Variants in SH3TC1 observed in about 807,000 individuals in gnomAD.
SH3TC1 encodes the protein SH3 domain and tetratricopeptide repeat-containing protein 1.
SH3TC1 carries 135 observed loss-of-function variants against 117.3 expected under a neutral mutation model. That is an observed-to-expected ratio of 1.15 (90% CI 1.00 to 1.33). The LOEUF (loss-of-function observed/expected upper bound fraction) is 1.33. Ranked by LOEUF, SH3TC1 falls within the 40% of genes most tolerant of loss-of-function variation. The probability of loss-of-function intolerance (pLI) is 0.00; values close to 1 mark genes in which losing one functional copy is unlikely to be tolerated. For synonymous variants in SH3TC1, 898 were observed against 816.9 expected (o/e 1.10, Z -1.69); for missense variants, 2,092 against 1,794.3 (o/e 1.17, Z -3.00).
chr4:8,191,661 G>A (rs947039002), intron 1 of SH3TC1, among the ~76,000 whole-genome samples: 12 of 152,164 alleles, frequency 7.9e-5, no homozygotes, highest in African/African-American at 2.2e-4. Context: ...ATGCCGGCCC[G>A]GATACACCCG....
At chr4:8,214,159 A>T (rs749995470) in intron 4 of SH3TC1, among the ~76,000 whole-genome samples, 5 of 151,750 alleles carry the variant, frequency 3.3e-5, no homozygotes, top group South Asian at 2.1e-4. Context: ...AGGTCGGGAG[A>T]AGCGGCGGTC....
In SH3TC1 at chr4:8,217,051, G is replaced by A. The variant is rs544129098; in HGVS notation, c.723G>A (p.Ser241=). The A allele has an allele frequency of 1.8e-5, 29 of 1,613,068 alleles. No homozygotes were observed. The highest frequency in any genetic ancestry group is 2.7e-5 in the African/African-American group (2 of 75,056). The change falls in exon 7 of 18, where the codon TCG becomes TCA. Residue 241 remains serine, a synonymous_variant. Transcript: ENST00000245105. ...GNGPQALRQA[S]GAPQGEAAPE... ...GCCCCCAGGCCCTCAGGCAGGCTTC[G>A]GGGGCACCCCAGGGAGAGGCGGCCC... is the stretch of plus-strand genomic sequence containing the variant.
chr4:8,228,997 C>T (rs555666396), intron 12 of SH3TC1, among the ~76,000 whole-genome samples: 16 of 152,344 alleles, frequency 1.1e-4, no homozygotes, highest in African/African-American at 3.6e-4. Flanking sequence ...CTTGGGGCCC[C>T]TCCATGAGCC....
rs1345186374 is a variant in SH3TC1, at chr4:8,192,763, A to T, written c.-57+10553A>T. Among the ~76,000 whole-genome samples the T allele has an allele frequency of 6.6e-6, 1 of 152,146 alleles. No individual in the cohort carries two copies. Among genetic ancestry groups the T allele is most frequent in the East Asian group, 1.9e-4 (1 of 5,186 alleles). Reference sequence around the variant, plus strand: ...TGCCTTGGTCTCCCTAAGTGCTGGGATTACAGGCGTGAGCCACGGTGCCCG... The same window carrying T: ...TGCCTTGGTCTCCCTAAGTGCTGGGTTTACAGGCGTGAGCCACGGTGCCCG... On this transcript the variant is annotated intron_variant, in intron 1 of 16. Coordinates refer to the SH3TC1 transcript ENST00000508641. This position sits in a 1 kb window ranked among gnomAD's most constrained non-coding sequence, Gnocchi z 4.1.
intron 12 of SH3TC1, among the ~76,000 whole-genome samples, chr4:8,230,933 C>T (rs1341700921): frequency 1.3e-5 from 2 of 151,828 alleles, no homozygotes; most frequent in African/African-American, 4.8e-5. Context: ...ACATGCACCA[C>T]CACACCCGGC....
rs1198919723 is a variant in SH3TC1, at chr4:8,227,271, T to G, written c.1577T>G (p.Leu526Arg). The G allele has an allele frequency of 7.5e-6, 12 of 1,603,870 alleles. No homozygotes were observed. The highest frequency in any genetic ancestry group is 9.4e-6 in the Non-Finnish European group (11 of 1,175,706). ...CTGTACGATGTGGCGCTGCCGTGGC[T>G]GAGCAGCGTGTTCCGCAGCTTCAGC... Reference protein sequence around the residue: ...RGLYDVALPWLSSVFRSFSDE... With the variant: ...RGLYDVALPWRSSVFRSFSDE... The change falls in exon 12 of 18, where the codon CTG becomes CGG. Residue 526 changes from leucine to arginine, a missense_variant. By Grantham distance (102) the Leu-to-Arg change is moderately radical (BLOSUM62 -2). Coordinates refer to ENST00000245105, the MANE Select transcript of SH3TC1 (RefSeq NM_018986.5).
Position 8,209,965 on chromosome 4 carries a change from G to A in SH3TC1, c.247+143G>A. The A allele has an allele frequency of 5.5e-6, 5 of 913,402 alleles. No individual in the cohort carries two copies. In the East Asian group the frequency reaches 8.0e-5, roughly 15 times the overall value. The allele number at this position is 913,402 out of a possible 1,614,324, so 56.6% of individuals were successfully genotyped here. A position where few individuals can be genotyped will look rare whatever the true frequency, so the allele number is the denominator to read the frequency against. On this transcript the variant is annotated intron_variant, in intron 3 of 17. Transcript: ENST00000245105. The surrounding 1 kb of genome is among the most constrained non-coding windows in gnomAD (Gnocchi z 5.9). ...AAAATCATGATGGGAATAGAAAGAAGGGTTTGTTAAATGCGCATGCCCAGG... is the reference window on the plus strand; with the variant it reads ...AAAATCATGATGGGAATAGAAAGAAAGGTTTGTTAAATGCGCATGCCCAGG...
intron 5 of SH3TC1, among the ~76,000 whole-genome samples, chr4:8,215,439 C>T (rs557193668): frequency 3.5e-4 from 54 of 152,290 alleles, no homozygotes; most frequent in Admixed American, 3.9e-4. Context: ...CTTCTTGATC[C>T]GGTTCTTGGA....
intron 1 of SH3TC1, among the ~76,000 whole-genome samples, chr4:8,191,885 CG>C (rs1363354544): frequency 3.3e-5 from 5 of 152,084 alleles, no homozygotes; most frequent in Non-Finnish European, 5.9e-5. Context: ...GGAAAGATGA[CG>C]GGGCTGCTCA....
In SH3TC1 at chr4:8,233,441, G is replaced by A. The variant is rs139525849; in HGVS notation, c.3210G>A (p.Ala1070=). Residue 1070 remains alanine, a synonymous_variant, in exon 14 of 18, where the codon GCG becomes GCA. Coordinates refer to ENST00000245105, the MANE Select transcript of SH3TC1 (RefSeq NM_018986.5). ...ACCTCCAGAAGAAAGAGAAGGAGGC[G>A]CATGCCTGGCTGCAAGCAGGGAAGA... ...FIDLQKKEKE[A]HAWLQAGKIY... 641 of 1,613,754 alleles carry A rather than the reference G, an allele frequency of 4.0e-4. No individual in the cohort carries two copies. The highest frequency in any genetic ancestry group is 5.2e-4 in the Non-Finnish European group (608 of 1,179,904).
Position 8,236,430 on chromosome 4 carries a change from T to C in SH3TC1, c.3556+2T>C. ...CCCTAGCACTCAGCATCACCCTGGG[T>C]AAGCCCCCTGAGCCCCTGCCCTGCC... On this transcript the variant is annotated splice_donor_variant, in intron 16 of 17. Coordinates refer to ENST00000245105, the MANE Select transcript of SH3TC1 (RefSeq NM_018986.5). LOFTEE classifies it high-confidence loss of function. 1.4e-6 allele frequency: 2 copies of C among 1,458,166 alleles called. No individual in the cohort carries two copies. Among genetic ancestry groups the C allele is most frequent in the Non-Finnish European group, 1.8e-6 (2 of 1,096,490 alleles). The allele number at this position is 1,458,166 out of a possible 1,614,324, so 90.3% of individuals were successfully genotyped here. A position where few individuals can be genotyped will look rare whatever the true frequency, so the allele number is the denominator to read the frequency against.
chr4:8,229,544 G>T (rs1161339052), intron 12 of SH3TC1, among the ~76,000 whole-genome samples: 1 of 148,546 alleles, frequency 6.7e-6, no homozygotes, highest in African/African-American at 2.5e-5. Context: ...GTAAGTGGGG[G>T]TGAGTGAGCA....
rs559019672 is a variant in SH3TC1 at position 8,190,354 on chromosome 4, A to G, written c.-57+8144A>G. 6.6e-6 allele frequency among the ~76,000 whole-genome samples: 1 copy of G among 152,066 alleles called. No individual in the cohort carries two copies. The highest frequency in any genetic ancestry group is 2.4e-5 in the African/African-American group (1 of 41,462). ...ACTGTGTAAGCCAAGGTCAGGATCAACCCCCATCACTGGGCTCTGCAGAAT... is the reference window on the plus strand; with the variant it reads ...ACTGTGTAAGCCAAGGTCAGGATCAGCCCCCATCACTGGGCTCTGCAGAAT... On this transcript the variant is annotated intron_variant, in intron 1 of 16. Coordinates refer to the SH3TC1 transcript ENST00000508641. This position sits in a 1 kb window ranked among gnomAD's most constrained non-coding sequence, Gnocchi z 4.7.
chr4:8,232,819 A>G lies in SH3TC1; in HGVS notation c.3132-544A>G, dbSNP rs1051954607. 2.3e-6 allele frequency: 3 copies of G among 1,283,808 alleles called. No individual in the cohort carries two copies. In the African/African-American group the frequency reaches 4.6e-5, roughly 20 times the overall value. The allele number at this position is 1,283,808 out of a possible 1,614,324, so 79.5% of individuals were successfully genotyped here. A position where few individuals can be genotyped will look rare whatever the true frequency, so the allele number is the denominator to read the frequency against. ...GCTCCAGCCTTGGCCTCAGGTTCAC[A>G]GCAGGAAAATGGGCCAGTGTGTTAG... On this transcript the variant is annotated intron_variant, in intron 13 of 17. Transcript: ENST00000245105.
upstream of SH3TC1, among the ~76,000 whole-genome samples, chr4:8,195,983 TG>T (rs1445882570): frequency 6.6e-6 from 1 of 152,166 alleles, no homozygotes. Context: ...GCCAGGGCAC[TG>T]GTAGGAGGCG....
At chr4:8,228,932 G>T (rs889515954) in intron 12 of SH3TC1, among the ~76,000 whole-genome samples, 1 of 152,192 alleles carries the variant, frequency 6.6e-6, no homozygotes, top group Non-Finnish European at 1.5e-5. Context: ...GGCAACGGGC[G>T]GTGGGTCACC....
At chr4:8,204,133 G>A (rs530404201) in intron 1 of SH3TC1, among the ~76,000 whole-genome samples, 76 of 152,334 alleles carry the variant, frequency 5.0e-4, no homozygotes, top group African/African-American at 1.6e-3. Flanking sequence ...AGGCATGGCC[G>A]TCCCGGTTCT....
rs529941310 is a variant in SH3TC1 at position 8,214,510 on chromosome 4, C to A, written c.411C>A (p.Asp137Glu). 6.2e-7 allele frequency: 1 copy of A among 1,613,948 alleles called. No homozygotes were observed. Among genetic ancestry groups the A allele is most frequent in the South Asian group, 1.1e-5 (1 of 91,076 alleles). Residue 137 changes from aspartate to glutamate, a missense_variant, in exon 5 of 18, where the codon GAC becomes GAA. By Grantham distance (45) the Asp-to-Glu change is conservative. Transcript: ENST00000245105. ...LSARLLSIHS[D>E]QDRIVVTFKT... ...CCAGGCTGCTGTCCATCCACAGTGA[C>A]CAGGACCGGATCGTGGTGACGTTTA...
Position 8,214,950 on chromosome 4 carries a change from T to C in SH3TC1, c.481+370T>C, listed in dbSNP as rs138150524. Among the ~76,000 whole-genome samples the C allele has an allele frequency of 3.5e-3, 532 of 152,328 alleles. 3 individuals are homozygous for C. The highest frequency in any genetic ancestry group is 0.014 in the Middle Eastern group (4 of 294). On this transcript the variant is annotated intron_variant, in intron 5 of 17. Coordinates refer to ENST00000245105, the MANE Select transcript of SH3TC1 (RefSeq NM_018986.5). ...ATCCGCCCGCCTTGCCCTCCCAAAG[T>C]GCTGGGATTACAGGCATGAGCCATG...
Sources: allele counts gnomAD v4.1 joint callset (sites outside exome capture counted in the v4.1 genomes callset), GRCh38; gene constraint gnomAD v4.1.1; non-coding constraint Gnocchi (gnomAD v3.1); transcripts MANE v1.5; gene names NCBI Gene and HGNC (gene_info 2026-07-23, HGNC 2026-07-21).